Variants in BDP1 observed in about 807,000 individuals in gnomAD.
BDP1 encodes the protein transcription factor TFIIIB component B'' homolog.
In BDP1, 169 loss-of-function variants were observed where a neutral mutation model predicts 266.6. The observed-to-expected ratio is 0.63, with a 90% CI of 0.56 to 0.72. The LOEUF (loss-of-function observed/expected upper bound fraction) is 0.72. Among genes scored for constraint, BDP1 ranks in the 30% least tolerant of loss-of-function variants. The pLI is 0.00. For missense variants in BDP1, 3,015 were observed against 3,053.8 expected, an observed-to-expected ratio of 0.99 and a Z score of 0.30; for synonymous variants, 1,090 against 1,022.4, an observed-to-expected ratio of 1.07 and a Z score of -1.26.
chr5:71,464,715 G>GTTTTT lies in BDP1; in HGVS notation c.659+616_659+620dup, dbSNP rs567761591. On this transcript the variant is annotated intron_variant, in intron 4 of 38. Transcript: ENST00000358731. The stretch of plus-strand genomic sequence containing the variant: ...CCACCACGGTTGGCTAAATTTTTTA[G>GTTTTT]TTTTTTTTTTTTTTTTTTTTTTGAG... Among the ~76,000 whole-genome samples the GTTTTT allele has an allele frequency of 3.2e-3, 281 of 88,062 alleles. 5 individuals carry two copies. The highest frequency in any genetic ancestry group is 8.9e-3 in the Middle Eastern group (1 of 112). 57.8% of individuals were successfully genotyped at this position (88,062 alleles called of 152,430 possible).
At chr5:71,481,631 C>T (rs1394345619) in intron 7 of BDP1, among the ~76,000 whole-genome samples, 1 of 152,144 alleles carries the variant, frequency 6.6e-6, no homozygotes, top group East Asian at 1.9e-4. Context: ...CTTCTTTGTT[C>T]CTGTTAAGGC....
intron 1 of BDP1, among the ~76,000 whole-genome samples, chr5:71,457,112 A>G (rs541911886): frequency 3.5e-4 from 54 of 152,290 alleles, no homozygotes; most frequent in African/African-American, 1.2e-3. Context: ...TTACATTAAT[A>G]AAGTTCTCAG....
intron 13 of BDP1, among the ~76,000 whole-genome samples, chr5:71,501,223 T>C (rs1764211797): frequency 1.3e-5 from 2 of 152,208 alleles, no homozygotes; most frequent in South Asian, 4.1e-4. Context: ...TCACCCAGGC[T>C]GGAGTATAGT....
intron 22 of BDP1, among the ~76,000 whole-genome samples, chr5:71,520,221 A>G (rs1765429095): frequency 6.6e-6 from 1 of 151,956 alleles, no homozygotes; most frequent in Non-Finnish European, 1.5e-5. Flanking sequence ...TGTGAGATGG[A>G]TAGTTGGGAA....
chr5:71,554,309 T>G (rs1743071343), intron 35 of BDP1, among the ~76,000 whole-genome samples: 1 of 152,224 alleles, frequency 6.6e-6, no homozygotes, highest in Admixed American at 6.5e-5. Context: ...TTCAATTAGA[T>G]TATTGATCTT....
chr5:71,549,358 TTAA>T, intron 33 of BDP1, 59 bp from the exon 34 acceptor site: 1 of 1,267,868 alleles, frequency 7.9e-7, no homozygotes, highest in Non-Finnish European at 1.1e-6. Flanking sequence ...ATGAAATAAA[TTAA>T]TGATACTCTG....
At chr5:71,480,150 C>T (rs187644733) in intron 7 of BDP1, among the ~76,000 whole-genome samples, 5 of 149,750 alleles carry the variant, frequency 3.3e-5, no homozygotes, top group Admixed American at 6.7e-5. Context: ...CTCACTCTGT[C>T]GCCAGGCTGG....
intron 7 of BDP1, among the ~76,000 whole-genome samples, chr5:71,478,657 G>C (rs1289062555): frequency 6.6e-6 from 1 of 151,614 alleles, no homozygotes; most frequent in African/African-American, 2.4e-5. Flanking sequence ...GCTGTTTTCA[G>C]GATTTTTTTT....
chr5:71,545,698 G>A (rs1008979802), intron 32 of BDP1, among the ~76,000 whole-genome samples: 2 of 152,110 alleles, frequency 1.3e-5, no homozygotes, highest in Admixed American at 1.3e-4. Flanking sequence ...ACCAATACAT[G>A]AACAGTTCCA....
At chr5:71,513,482 C>A in intron 19 of BDP1, 75 bp downstream of exon 19, 1 of 842,008 alleles carries the variant, frequency 1.2e-6, no homozygotes. Context: ...ACTAAAAGCA[C>A]CTGGCATTAA....
chr5:71,487,130 G>A (rs1430546207), intron 9 of BDP1, among the ~76,000 whole-genome samples: 1 of 152,094 alleles, frequency 6.6e-6, no homozygotes, highest in East Asian at 1.9e-4. Flanking sequence ...TTTGAACTCT[G>A]GTCTATAAGG....
intron 2 of BDP1, among the ~76,000 whole-genome samples, chr5:71,459,895 T>C (rs921938637): frequency 8.5e-5 from 13 of 152,224 alleles, no homozygotes; most frequent in African/African-American, 3.1e-4. Flanking sequence ...TTGGAGCATA[T>C]TGGATTTCAA....
At chr5:71,518,900 A>G (rs975928902) in intron 22 of BDP1, among the ~76,000 whole-genome samples, 1 of 149,264 alleles carries the variant, frequency 6.7e-6, no homozygotes, top group Non-Finnish European at 1.5e-5. Context: ...GCTCATTGCA[A>G]CCTTCGCCTC....
intron 7 of BDP1, among the ~76,000 whole-genome samples, chr5:71,473,601 G>A (rs1762404910): frequency 6.6e-6 from 1 of 152,016 alleles, no homozygotes; most frequent in Non-Finnish European, 1.5e-5. Flanking sequence ...GTTTCCAATT[G>A]TTGGTGTGTT....
chr5:71,574,356 C>T, the BDP1 span, among the ~76,000 whole-genome samples: 1 of 152,172 alleles, frequency 6.6e-6, no homozygotes, highest in East Asian at 1.9e-4. Flanking sequence ...CAGAATGGCA[C>T]CCCCCTGTCA....
Position 71,517,348 on chromosome 5 carries a change from T to G in BDP1, c.4887T>G (p.Ile1629Met), listed in dbSNP as rs1402007112. The G allele has an allele frequency of 1.3e-6, 2 of 1,597,316 alleles. No homozygotes were observed. Among genetic ancestry groups the G allele is most frequent in the African/African-American group, 1.4e-5 (1 of 73,910 alleles). ...CAAATTCTCAAATTGAAACTGAAAT[T>G]GAAGTTCCATCGTCCGCAGTTCCAG... ...TVSNSQIETE[I>M]EVPSSAVPEH... Residue 1629 changes from isoleucine to methionine, a missense_variant, in exon 22 of 39, where the codon ATT becomes ATG. This residue lies in a region of BDP1 where 2,383 missense variants were observed against 2,404.9 expected (regional missense o/e 0.99). Transcript: ENST00000358731.
At chr5:71,463,033 A>C (rs768913093) in intron 3 of BDP1, among the ~76,000 whole-genome samples, 1 of 152,070 alleles carries the variant, frequency 6.6e-6, no homozygotes, top group Non-Finnish European at 1.5e-5. Context: ...GGATCACTTG[A>C]GCCTGGGAGT....
chr5:71,568,929 A>C (rs1397994162), downstream of BDP1, among the ~76,000 whole-genome samples: 1 of 152,258 alleles, frequency 6.6e-6, no homozygotes, highest in Non-Finnish European at 1.5e-5. Context: ...TGCCACAATA[A>C]TTCAAGTTCT....
chr5:71,561,754 A>C (rs1245026841), intron 37 of BDP1, among the ~76,000 whole-genome samples: 1 of 152,208 alleles, frequency 6.6e-6, no homozygotes, highest in East Asian at 1.9e-4. Flanking sequence ...ATCATTTGAG[A>C]ACTTGATAAA....
Sources: allele counts gnomAD v4.1 joint callset (sites outside exome capture counted in the v4.1 genomes callset), GRCh38; gene constraint gnomAD v4.1.1; regional missense constraint gnomAD v4.1.1; transcripts MANE v1.5; gene names NCBI Gene and HGNC (gene_info 2026-07-23, HGNC 2026-07-21).